The following MID2 variants were observed in gnomAD, a reference collection of about 807,000 sequenced individuals.
The protein encoded by MID2 is probable E3 ubiquitin-protein ligase MID2.
MID2 carries 13 observed loss-of-function variants against 46.1 expected under a neutral mutation model. The ratio of observed to expected loss-of-function variants is 0.28; its 90% CI spans 0.18 to 0.45. The LOEUF (loss-of-function observed/expected upper bound fraction) is 0.45, where lower values mean the gene tolerates loss of function less well. MID2 is among the 20% of genes least tolerant of loss of function. The probability of loss-of-function intolerance (pLI) is 1.00; values close to 1 mark genes in which losing one functional copy is unlikely to be tolerated. For synonymous variants in MID2, 199 were observed against 212.3 expected (o/e 0.94, Z 0.55); for missense variants, 431 against 575.4 (o/e 0.75, Z 2.57).
intron 3 of MID2, among the ~76,000 whole-genome samples, chrX:107,875,440 C>G (rs1602479040): frequency 9.0e-6 from 1 of 111,509 alleles, no homozygotes; most frequent in African/African-American, 3.3e-5. Flanking sequence ...GGCTTCTAGT[C>G]CTTTCCTAAC....
chrX:107,893,311 C>T (rs1366602720), intron 3 of MID2, among the ~76,000 whole-genome samples: 1 of 112,405 alleles, frequency 8.9e-6, no homozygotes, highest in African/African-American at 3.2e-5. Context: ...TACTGCTAGA[C>T]TATGAAACTA....
intron 3 of MID2, among the ~76,000 whole-genome samples, chrX:107,861,000 G>A (rs756099323): frequency 1.8e-5 from 2 of 111,958 alleles, no homozygotes; most frequent in Non-Finnish European, 3.8e-5. Context: ...CAAGGTACAC[G>A]CCACTTGGAT....
At chrX:107,869,120 T>G (rs1180242958) in intron 3 of MID2, among the ~76,000 whole-genome samples, 1 of 111,380 alleles carries the variant, frequency 9.0e-6, no homozygotes, top group Non-Finnish European at 1.9e-5. Flanking sequence ...TTTTAAGTCT[T>G]TAATGTACCT....
chrX:107,891,487 G>T (rs1328281568), intron 3 of MID2, among the ~76,000 whole-genome samples: 1 of 110,435 alleles, frequency 9.1e-6, no homozygotes, highest in African/African-American at 3.3e-5. Context: ...CACCATGTTG[G>T]TCAGGCTGAG....
Position 107,826,058 on chromosome X carries a change from G to T in MID2, c.-369G>T. The T allele has an allele frequency of 3.4e-6, 1 of 295,920 alleles. No homozygotes were observed. The highest frequency in any genetic ancestry group is 5.9e-6 in the Non-Finnish European group (1 of 169,286). 24.4% of individuals were successfully genotyped at this position (295,920 alleles called of 1,213,427 possible). A position where few individuals can be genotyped will look rare whatever the true frequency, so the allele number is the denominator to read the frequency against. On this transcript the variant is annotated 5_prime_UTR_variant, in exon 1 of 10. Transcript: ENST00000262843. ...CCCACTCCGCCTCCCTTTTGGAAGG[G>T]ATTGCCTTTTTTTTCCTCTGCGGCG...
At chrX:107,883,088 A>G (rs139586498) in intron 3 of MID2, among the ~76,000 whole-genome samples, 2,085 of 111,708 alleles carry the variant, frequency 0.019, 50 homozygotes, top group African/African-American at 0.063. Flanking sequence ...ATTCTCAGCA[A>G]GCTATCACAA....
chrX:107,841,275 A>G lies in MID2; in HGVS notation c.610A>G (p.Asn204Asp). 8.3e-7 allele frequency: 1 copy of G among 1,211,434 alleles called. No individual in the cohort carries two copies. The highest frequency in any genetic ancestry group is 1.1e-6 in the Non-Finnish European group (1 of 895,282). ...CCTGGACCATGAGAATGAGAAAGTG[A>G]ACATGTACTGTGTATCTGATGACCA... ...TCLDHENEKV[N>D]MYCVSDDQLI... The change falls in exon 2 of 10, where the codon AAC becomes GAC. Residue 204 changes from asparagine to aspartate, a missense_variant. By Grantham distance (23) the Asn-to-Asp change is conservative. Coordinates refer to ENST00000262843, the MANE Select transcript of MID2 (RefSeq NM_012216.4).
intron 3 of MID2, among the ~76,000 whole-genome samples, chrX:107,866,422 AACACACACACACACACACACACAC>A (rs57100746): frequency 2.7e-4 from 22 of 81,182 alleles, no homozygotes; most frequent in African/African-American, 8.7e-4. Context: ...AGCCACTGAA[AACACACACACACACACACACACAC>A]ACACACACAC....
At chrX:107,870,140 A>AT (rs1352393871) in intron 3 of MID2, among the ~76,000 whole-genome samples, 1 of 111,262 alleles carries the variant, frequency 9.0e-6, no homozygotes, top group East Asian at 2.8e-4. Flanking sequence ...CTATATGTTG[A>AT]TTTTTTCTAA....
intron 4 of MID2, among the ~76,000 whole-genome samples, chrX:107,905,049 T>G (rs1932824772): frequency 8.9e-6 from 1 of 111,953 alleles, no homozygotes; most frequent in Non-Finnish European, 1.9e-5. Flanking sequence ...AGATGGTACT[T>G]TTTAGTAAAC....
At chrX:107,905,456 T>C in intron 4 of MID2, 22 bp from the exon 5 acceptor site, 1 of 1,167,812 alleles carries the variant, frequency 8.6e-7, no homozygotes, top group Non-Finnish European at 1.2e-6. Flanking sequence ...TCTTATTTTT[T>C]TCTTTTACTA....
rs1931962710 is a variant in MID2, at chrX:107,866,539, A to G, written c.816+11835A>G. On this transcript the variant is annotated intron_variant, in intron 3 of 9. Transcript: ENST00000262843. ...TAACCCAGTGACACATCATTAGCTC[A>G]GAAGTTGAAAGCAAATGGTGTTCCT... is the stretch of plus-strand genomic sequence containing the variant. 1.8e-5 allele frequency among the ~76,000 whole-genome samples: 2 copies of G among 110,083 alleles called. 1 individual carries two copies. The highest frequency in any genetic ancestry group is 6.6e-5 in the African/African-American group (2 of 30,202).
chrX:107,880,926 T>A, intron 3 of MID2, among the ~76,000 whole-genome samples: 1 of 113,042 alleles, frequency 8.8e-6, no homozygotes, highest in East Asian at 2.8e-4. Flanking sequence ...CTGTTATAAG[T>A]TTTGCAAAGG....
rs12849510 is a variant in MID2, at chrX:107,916,061, C to G, written c.1133C>G (p.Ala378Gly). The stretch of plus-strand genomic sequence containing the variant: ...ATTCCAGACATCAATTTTAATGATG[C>G]CTTTGAAAACTTTGCTTTAGATTTT... ...VLIPDINFND[A>G]FENFALDFSR... The change falls in exon 6 of 10, where the codon GCC (alanine) becomes GGC (glycine). Residue 378 changes from alanine to glycine, a missense_variant. Coordinates refer to ENST00000262843, the MANE Select transcript of MID2 (RefSeq NM_012216.4). 1.1e-5 allele frequency: 13 copies of G among 1,199,831 alleles called. No homozygotes were observed. Among genetic ancestry groups the G allele is most frequent in the East Asian group, 3.0e-5 (1 of 33,563 alleles).
At chrX:107,882,656 C>G (rs1324328639) in intron 3 of MID2, among the ~76,000 whole-genome samples, 1 of 111,802 alleles carries the variant, frequency 8.9e-6, no homozygotes, top group Admixed American at 9.5e-5. Context: ...CAATGAGATA[C>G]CATCTCACAC....
intron 3 of MID2, 132 bp downstream of exon 3, chrX:107,854,836 A>C: frequency 2.1e-6 from 1 of 471,851 alleles, no homozygotes. Flanking sequence ...AGAAAGTCTC[A>C]TTCCTTTAGG....
At chrX:107,906,698 G>A (rs964073564) in intron 5 of MID2, among the ~76,000 whole-genome samples, 2 of 111,713 alleles carry the variant, frequency 1.8e-5, no homozygotes, top group African/African-American at 6.5e-5. Flanking sequence ...GGATTCTCCT[G>A]ACTTAGCCTC....
At chrX:107,913,877 C>A (rs1231081922) in intron 5 of MID2, among the ~76,000 whole-genome samples, 1 of 111,823 alleles carries the variant, frequency 8.9e-6, no homozygotes, top group African/African-American at 3.3e-5. Flanking sequence ...TGACCCCCAT[C>A]GTTCTTAAGA....
chrX:107,826,636 G>C (rs1930955039), intron 1 of MID2, among the ~76,000 whole-genome samples: 1 of 112,844 alleles, frequency 8.9e-6, no homozygotes, highest in South Asian at 3.6e-4. Context: ...CAGTCATGCT[G>C]TTGGGGCCCG....
Sources: allele counts gnomAD v4.1 joint callset (sites outside exome capture counted in the v4.1 genomes callset), GRCh38; gene constraint gnomAD v4.1.1; transcripts MANE v1.5; gene names NCBI Gene and HGNC (gene_info 2026-07-23, HGNC 2026-07-21).